Variants in CCDC171 observed in about 807,000 individuals in gnomAD.
The protein encoded by CCDC171 is coiled-coil domain-containing protein 171.
CCDC171 carries 177 observed loss-of-function variants against 168.2 expected under a neutral mutation model. The observed-to-expected ratio is 1.05, with a 90% confidence interval of 0.93 to 1.19. The LOEUF is 1.19. CCDC171 is among the 50% of genes most tolerant of loss of function. CCDC171 has a pLI of 0.00. For synonymous variants in CCDC171, 687 were observed against 540.8 expected, an observed-to-expected ratio of 1.27 and a Z score of -3.75; for missense variants, 1,991 against 1,539.0, an observed-to-expected ratio of 1.29 and a Z score of -4.91.
In CCDC171 at chr9:15,973,014, C is replaced by T. The variant is rs901755773; in HGVS notation, c.*1178C>T. 6.6e-6 allele frequency: 1 copy of T among 152,056 alleles called. No individual in the cohort carries two copies. Among genetic ancestry groups the T allele is most frequent in the Non-Finnish European group, 1.5e-5 (1 of 68,026 alleles). The allele number at this position is 152,056 out of a possible 1,614,324, so 9.4% of individuals were successfully genotyped here. A position where few individuals can be genotyped will look rare whatever the true frequency, so the allele number is the denominator to read the frequency against. On this transcript the variant is annotated 3_prime_UTR_variant, in exon 26 of 26. Transcript: ENST00000380701. ...GACAAAGTGATGTTCTGTTGGGTAT[C>T]GCTAGACAGACTGTTCTTTATCGCC...
chr9:15,705,616 C>G (rs574182804), intron 11 of CCDC171, among the ~76,000 whole-genome samples: 3 of 152,318 alleles, frequency 2.0e-5, no homozygotes, highest in Non-Finnish European at 2.9e-5. Context: ...GTCCATGAAG[C>G]TTGCTTACTT....
At chr9:15,572,246 A>T (rs1364162711) in intron 3 of CCDC171, among the ~76,000 whole-genome samples, 1 of 152,134 alleles carries the variant, frequency 6.6e-6, no homozygotes, top group African/African-American at 2.4e-5. Context: ...ATAGTCCAAG[A>T]TAGTTTTCCT....
chr9:15,637,245 G>GACTCT (rs1388367440), intron 7 of CCDC171, among the ~76,000 whole-genome samples: 7 of 152,086 alleles, frequency 4.6e-5, no homozygotes, highest in African/African-American at 1.7e-4. Flanking sequence ...AACAGAGCAA[G>GACTCT]ACTCTATCTC....
the CCDC171 span, among the ~76,000 whole-genome samples, chr9:16,079,338 C>G: frequency 6.6e-6 from 1 of 152,170 alleles, no homozygotes; most frequent in African/African-American, 2.4e-5. Context: ...TTATTTGGAG[C>G]TAGGGTCTTC....
chr9:15,915,301 T>G (rs889835893), intron 24 of CCDC171, among the ~76,000 whole-genome samples: 19 of 152,208 alleles, frequency 1.2e-4, no homozygotes, highest in African/African-American at 4.6e-4. Flanking sequence ...TACAATTTCT[T>G]TCATCAGTGT....
chr9:15,999,629 G>A (rs780252406), intron 3 of CCDC171, among the ~76,000 whole-genome samples: 22 of 152,288 alleles, frequency 1.4e-4, no homozygotes, highest in Admixed American at 5.9e-4. Flanking sequence ...TCCAGCTGTT[G>A]CCTCCAAGGA....
intron 7 of CCDC171, among the ~76,000 whole-genome samples, chr9:15,635,987 G>C (rs2046172596): frequency 1.3e-5 from 2 of 152,116 alleles, no homozygotes; most frequent in South Asian, 4.1e-4. Context: ...CACTGTAGTA[G>C]GTGTGAAATG....
intron 24 of CCDC171, among the ~76,000 whole-genome samples, chr9:15,917,434 A>G (rs996424133): frequency 1.3e-5 from 2 of 151,568 alleles, no homozygotes; most frequent in Non-Finnish European, 3.0e-5. Context: ...GAGAGTTGGA[A>G]TGTTTAAGAT....
chr9:15,761,290 C>T (rs7873201), intron 18 of CCDC171, among the ~76,000 whole-genome samples: 16 of 152,054 alleles, frequency 1.1e-4, no homozygotes, highest in African/African-American at 3.1e-4. Flanking sequence ...CCCTTTCAAG[C>T]AAACTAAGCC....
At chr9:15,760,549 A>T (rs2056387067) in intron 18 of CCDC171, among the ~76,000 whole-genome samples, 1 of 152,190 alleles carries the variant, frequency 6.6e-6, no homozygotes, top group Admixed American at 6.5e-5. Flanking sequence ...TTGGCTAATA[A>T]AATTTCCTAG....
chr9:15,836,344 CTTGTT>C (rs1306802888), intron 21 of CCDC171, among the ~76,000 whole-genome samples: 2 of 151,976 alleles, frequency 1.3e-5, no homozygotes, highest in African/African-American at 4.8e-5. Context: ...CGCTGTTGGT[CTTGTT>C]TTATTTTATT....
chr9:15,652,735 T>A (rs1026629228), intron 7 of CCDC171, among the ~76,000 whole-genome samples: 4 of 152,176 alleles, frequency 2.6e-5, no homozygotes, highest in Admixed American at 6.5e-5. Context: ...GCCACCATGC[T>A]CAGCTGATCA....
intron 16 of CCDC171, among the ~76,000 whole-genome samples, chr9:15,736,801 G>T (rs1476735875): frequency 6.6e-6 from 1 of 151,906 alleles, no homozygotes; most frequent in Non-Finnish European, 1.5e-5. Flanking sequence ...TCAGCTTCCT[G>T]AGTAGCTGAG....
intron 5 of CCDC171, 35 bp from the exon 6 acceptor site, chr9:15,594,006 A>G (rs1354296998): frequency 1.4e-6 from 2 of 1,474,526 alleles, no homozygotes; most frequent in Admixed American, 2.0e-5. Context: ...ACTTTTATTG[A>G]TCTAACAGTA....
intron 14 of CCDC171, among the ~76,000 whole-genome samples, chr9:15,725,280 G>A (rs1235734695): frequency 6.6e-6 from 1 of 152,040 alleles, no homozygotes; most frequent in African/African-American, 2.4e-5. Context: ...GTTCCTGTTT[G>A]CCAATGACAA....
chr9:15,599,764 G>A (rs192570663), intron 6 of CCDC171, among the ~76,000 whole-genome samples: 1 of 152,042 alleles, frequency 6.6e-6, no homozygotes, highest in Non-Finnish European at 1.5e-5. Context: ...GTTCCATTCT[G>A]CCCGTCACTT....
intron 7 of CCDC171, among the ~76,000 whole-genome samples, chr9:15,624,060 A>G (rs1003990552): frequency 4.6e-5 from 7 of 152,204 alleles, no homozygotes; most frequent in Non-Finnish European, 1.0e-4. Flanking sequence ...TTATTAGGCA[A>G]ATAAATACTT....
rs570414785 is a variant in CCDC171, at chr9:15,654,201, T to TA, written c.823-2914dup. Among the ~76,000 whole-genome samples the TA allele has an allele frequency of 9.9e-3, 1,420 of 143,412 alleles. 8 individuals carry two copies. The highest frequency in any genetic ancestry group is 0.014 in the Middle Eastern group (4 of 276). 94.1% of individuals were successfully genotyped at this position (143,412 alleles called of 152,430 possible). Reference sequence around the variant, plus strand: ...TCATATTTGGATTTATTGCTTTCTGTAAAAAAAAAAAACCAAAACTATTTT... The same window carrying TA: ...TCATATTTGGATTTATTGCTTTCTGTAAAAAAAAAAAAACCAAAACTATTTT... On this transcript the variant is annotated intron_variant, in intron 7 of 25. Transcript: ENST00000380701.
chr9:15,748,393 C>T (rs572152440), intron 18 of CCDC171, among the ~76,000 whole-genome samples: 1 of 152,240 alleles, frequency 6.6e-6, no homozygotes, highest in South Asian at 2.1e-4. Context: ...AGTTAGAAAA[C>T]GCTTTTCAGG....
Sources: gnomAD v4.1 joint callset for allele counts (sites outside exome capture counted in the v4.1 genomes callset) on GRCh38, gnomAD v4.1.1 for gene constraint, MANE v1.5 for transcripts, NCBI Gene and HGNC (gene_info 2026-07-23, HGNC 2026-07-21) for gene names.